Variants in MTOR observed in about 807,000 individuals in gnomAD.
The protein encoded by MTOR is mechanistic target of rapamycin kinase.
A neutral mutation model predicts 319.8 loss-of-function variants in MTOR; 70 were observed. The observed-to-expected ratio is 0.22, with a 90% CI of 0.18 to 0.27. The LOEUF is 0.27. Ranked by LOEUF, MTOR falls within the 10% of genes least tolerant of loss-of-function variation. The pLI is 1.00. For missense variants in MTOR, 1,890 were observed against 3,274.4 expected, an observed-to-expected ratio of 0.58 and a Z score of 10.32; for synonymous variants, 1,183 against 1,211.4, an observed-to-expected ratio of 0.98 and a Z score of 0.49.
intron 13 of MTOR, among the ~76,000 whole-genome samples, chr1:11,235,749 C>A (rs769601995): frequency 6.6e-6 from 1 of 152,058 alleles, no homozygotes; most frequent in South Asian, 2.1e-4. Context: ...TTTGGGAGGC[C>A]GAAGCGGGCA....
chr1:11,164,850 A>G (rs1474694647), intron 29 of MTOR, among the ~76,000 whole-genome samples: 1 of 152,262 alleles, frequency 6.6e-6, no homozygotes. Flanking sequence ...AAAATCCTCA[A>G]TAAAATACTG....
At position 11,128,430 on chromosome 1, in the gene MTOR, A is replaced by C. The variant is rs1642955597; in HGVS notation, c.5910+24T>G. On this transcript the variant is annotated intron_variant, in intron 42 of 57. Transcript: ENST00000361445. The surrounding 1 kb of genome is among the most constrained non-coding windows in gnomAD (Gnocchi z 5.3). The stretch of plus-strand genomic sequence containing the variant: ...ACCACCAAACCAGTGGTTAGATGAG[A>C]AACTGCCCAGAGTCTCCACATACCT... The C allele has an allele frequency of 6.2e-7, 1 of 1,610,078 alleles. No homozygotes were observed. The highest frequency in any genetic ancestry group is 8.5e-7 in the Non-Finnish European group (1 of 1,176,712).
chr1:11,232,655 A>G, intron 15 of MTOR, 127 bp from the exon 16 acceptor site: 1 of 669,690 alleles, frequency 1.5e-6, no homozygotes, highest in Non-Finnish European at 2.5e-6. Context: ...AGGGCAGATC[A>G]CCTGGCATCA....
At chr1:11,149,915 C>A (rs185083932) in intron 31 of MTOR, among the ~76,000 whole-genome samples, 25 of 152,244 alleles carry the variant, frequency 1.6e-4, no homozygotes, top group Non-Finnish European at 1.9e-4. Flanking sequence ...GGCCTCCCCA[C>A]GAAGATCCAA....
At chr1:11,230,503 T>A (rs1055659475) in intron 18 of MTOR, among the ~76,000 whole-genome samples, 4 of 152,214 alleles carry the variant, frequency 2.6e-5, no homozygotes, top group Non-Finnish European at 5.9e-5. Flanking sequence ...GTTTTCCCTA[T>A]GGCCCTGAGC....
At chr1:11,217,073 A>C (rs1457072948) in intron 19 of MTOR, among the ~76,000 whole-genome samples, 1 of 152,220 alleles carries the variant, frequency 6.6e-6, no homozygotes, top group Non-Finnish European at 1.5e-5. Flanking sequence ...TGGGTATTGT[A>C]GCTCATTTAT....
At chr1:11,135,895 G>A (rs986324999) in intron 36 of MTOR, among the ~76,000 whole-genome samples, 1 of 151,844 alleles carries the variant, frequency 6.6e-6, no homozygotes, top group African/African-American at 2.4e-5. Flanking sequence ...AGCACTTTGG[G>A]AGGCCAAGGT....
rs370771625 is a variant in MTOR, at chr1:11,137,189, G to A, written c.5130+2115C>T. 2.7e-5 allele frequency among the ~76,000 whole-genome samples: 4 copies of A among 150,238 alleles called. No homozygotes were observed. In the East Asian group the frequency reaches 5.8e-4, roughly 22 times the overall value. On this transcript the variant is annotated intron_variant, in intron 36 of 57. Coordinates refer to ENST00000361445, the MANE Select transcript of MTOR (RefSeq NM_004958.4). ...AAAAAAAAAAAAGAATTGGGAGGCG[G>A]TAGTAAAAAAACTCAATCGCCAAAA... is the stretch of plus-strand genomic sequence containing the variant.
chr1:11,136,450 C>T (rs556194251), intron 36 of MTOR, among the ~76,000 whole-genome samples: 1 of 152,198 alleles, frequency 6.6e-6, no homozygotes, highest in Non-Finnish European at 1.5e-5. Context: ...AATAGCATCC[C>T]ACACTTGGGA....
chr1:11,241,051 G>A lies in MTOR; in HGVS notation c.1541+502C>T, dbSNP rs187564274. ...AAAAAAAAAAAATGAGGCCAGGCGC[G>A]GTGGCTCACACCTGTAATCTCAGCA... On this transcript the variant is annotated intron_variant, in intron 10 of 57. Coordinates refer to ENST00000361445, the MANE Select transcript of MTOR (RefSeq NM_004958.4). Among the ~76,000 whole-genome samples the A allele has an allele frequency of 2.6e-4, 40 of 151,582 alleles. No individual in the cohort carries two copies. The East Asian group carries it at 4.1e-3, about 15-fold the overall frequency.
chr1:11,106,809 T>C lies in MTOR; in HGVS notation c.*676A>G, dbSNP rs1641600452. On this transcript the variant is annotated 3_prime_UTR_variant, in exon 58 of 58. Coordinates refer to ENST00000361445, the MANE Select transcript of MTOR (RefSeq NM_004958.4). Reference sequence around the variant, plus strand: ...TGAGGGTGGTCCCACTGCACAGTGATCCCCTCTGTGCATCTGCTCAGCCGA... The same window carrying C: ...TGAGGGTGGTCCCACTGCACAGTGACCCCCTCTGTGCATCTGCTCAGCCGA... 1.6e-6 allele frequency: 2 copies of C among 1,286,074 alleles called. No individual in the cohort carries two copies. The highest frequency in any genetic ancestry group is 7.0e-5 in the East Asian group (2 of 28,752). The allele number at this position is 1,286,074 out of a possible 1,614,324, so 79.7% of individuals were successfully genotyped here.
At chr1:11,158,304 C>T (rs976717546) in intron 29 of MTOR, among the ~76,000 whole-genome samples, 1 of 152,176 alleles carries the variant, frequency 6.6e-6, no homozygotes, top group East Asian at 1.9e-4. Flanking sequence ...ACCCTCTTCC[C>T]CTTTCTAAAT....
intron 6 of MTOR, among the ~76,000 whole-genome samples, chr1:11,250,227 A>AT (rs1553129598): frequency 1.1e-5 from 1 of 92,446 alleles, no homozygotes. Context: ...CGGGGGGCTG[A>AT]CCCCCCACCT....
At chr1:11,175,746 G>GTTTT in intron 28 of MTOR, among the ~76,000 whole-genome samples, 1 of 137,312 alleles carries the variant, frequency 7.3e-6, no homozygotes. Context: ...TCCCTAGCAG[G>GTTTT]TTTTTTTTTT....
chr1:11,189,646 C>T, intron 28 of MTOR: 1 of 1,614,112 alleles, frequency 6.2e-7, no homozygotes, highest in Non-Finnish European at 8.5e-7. Flanking sequence ...TGTCAGCCAC[C>T]CAGCGTGGCT....
chr1:11,258,107 C>CAAA (rs35956330), intron 3 of MTOR, among the ~76,000 whole-genome samples: 3 of 136,168 alleles, frequency 2.2e-5, no homozygotes, highest in Non-Finnish European at 4.6e-5. Flanking sequence ...GACTCCATCT[C>CAAA]AAAAAAAAAA....
intron 28 of MTOR, among the ~76,000 whole-genome samples, chr1:11,185,865 A>G (rs149521750): frequency 0.011 from 1,705 of 152,172 alleles, 65 homozygotes; most frequent in South Asian, 0.065. Context: ...GTGGATCAAC[A>G]GATCAGGAGA....
intron 3 of MTOR, among the ~76,000 whole-genome samples, chr1:11,258,145 C>T (rs866346302): frequency 6.6e-6 from 1 of 151,886 alleles, no homozygotes; most frequent in Non-Finnish European, 1.5e-5. Flanking sequence ...TTAACTATAC[C>T]GATTCCACTT....
At chr1:11,156,355 T>C (rs1393023762) in intron 30 of MTOR, among the ~76,000 whole-genome samples, 14 of 152,222 alleles carry the variant, frequency 9.2e-5, no homozygotes, top group Admixed American at 9.2e-4. Context: ...TTATTTTAAC[T>C]ATTTTTTAAA....
Sources: gnomAD v4.1 joint callset for allele counts (sites outside exome capture counted in the v4.1 genomes callset) on GRCh38, gnomAD v4.1.1 for gene constraint, Gnocchi (gnomAD v3.1) non-coding constraint, MANE v1.5 for transcripts, NCBI Gene and HGNC (gene_info 2026-07-23, HGNC 2026-07-21) for gene names.